Variants in CACNA2D3 observed in about 807,000 individuals in gnomAD.
CACNA2D3 encodes the protein voltage-dependent calcium channel subunit alpha-2/delta-3.
A neutral mutation model predicts 160.6 loss-of-function variants in CACNA2D3; 60 were observed. That is an observed-to-expected ratio of 0.37 (90% CI 0.30 to 0.46). The LOEUF (loss-of-function observed/expected upper bound fraction) is 0.46, where lower values mean the gene tolerates loss of function less well. Ranked by LOEUF, CACNA2D3 falls within the 20% of genes least tolerant of loss-of-function variation. The pLI is 1.00. For missense variants in CACNA2D3, 1,205 were observed against 1,365.0 expected (o/e 0.88, Z 1.85); for synonymous variants, 558 against 492.9 (o/e 1.13, Z -1.75).
chr3:54,285,429 G>T (rs557772710), intron 2 of CACNA2D3, among the ~76,000 whole-genome samples: 12 of 152,160 alleles, frequency 7.9e-5, no homozygotes, highest in African/African-American at 1.4e-4. Flanking sequence ...CAAAACAGCC[G>T]GGAAGCTCGA....
At chr3:54,969,886 A>AAAC in intron 29 of CACNA2D3, 42 bp downstream of exon 29, 1 of 1,571,048 alleles carries the variant, frequency 6.4e-7, no homozygotes, top group Non-Finnish European at 8.8e-7. Flanking sequence ...CTGTGGATAG[A>AAAC]AGGTGACAGA....
At chr3:54,287,718 C>G (rs1703069993) in intron 2 of CACNA2D3, among the ~76,000 whole-genome samples, 1 of 146,180 alleles carries the variant, frequency 6.8e-6, no homozygotes. Context: ...GAGATTATAA[C>G]AAACTATCTC....
intron 9 of CACNA2D3, among the ~76,000 whole-genome samples, chr3:54,620,745 C>T (rs761637560): frequency 7.2e-5 from 11 of 152,248 alleles, no homozygotes; most frequent in Admixed American, 6.5e-5. Flanking sequence ...GGGCCCTGGG[C>T]GCTGTGAAGG....
Position 54,533,153 on chromosome 3 carries a change from C to G in CACNA2D3, c.544+29499C>G, listed in dbSNP as rs138127844. ...TGTCTGTCTAAACCCTGTCTGCTTT[C>G]AAAGCCACCTAGCCTCATTCCTGAA... is the stretch of plus-strand genomic sequence containing the variant. On this transcript the variant is annotated intron_variant, in intron 5 of 37. Coordinates refer to ENST00000474759, the MANE Select transcript of CACNA2D3 (RefSeq NM_018398.3). 7.9e-3 allele frequency among the ~76,000 whole-genome samples: 1,203 copies of G among 152,246 alleles called. 11 individuals are homozygous for G. Among genetic ancestry groups the G allele is most frequent in the African/African-American group, 0.026 (1,089 of 41,538 alleles).
At chr3:54,365,959 G>A (rs576706405) in intron 3 of CACNA2D3, among the ~76,000 whole-genome samples, 1 of 152,306 alleles carries the variant, frequency 6.6e-6, no homozygotes, top group South Asian at 2.1e-4. Context: ...TGCATTCATT[G>A]TTGAACAGAC....
intron 5 of CACNA2D3, among the ~76,000 whole-genome samples, chr3:54,557,725 C>T (rs535263058): frequency 1.4e-4 from 22 of 152,248 alleles, no homozygotes; most frequent in African/African-American, 5.1e-4. Flanking sequence ...TCACAATAAT[C>T]GTTATCAAGC....
At position 54,431,880 on chromosome 3, in the gene CACNA2D3, T is replaced by C. The variant is rs149099699; in HGVS notation, c.381+45106T>C. On this transcript the variant is annotated intron_variant, in intron 4 of 37. Transcript: ENST00000474759. The stretch of plus-strand genomic sequence containing the variant: ...GCCTCAGCCTCCCAAAGTGCCGGGA[T>C]TACAGGCATGAGCCACCACACCTGG... Among the ~76,000 whole-genome samples, 853 of 152,360 alleles carry C rather than the reference T, an allele frequency of 5.6e-3. 5 individuals carry two copies. Among genetic ancestry groups the C allele is most frequent in the African/African-American group, 0.019 (791 of 41,588 alleles).
intron 2 of CACNA2D3, among the ~76,000 whole-genome samples, chr3:54,311,773 T>C (rs899557929): frequency 6.6e-6 from 1 of 152,196 alleles, no homozygotes; most frequent in African/African-American, 2.4e-5. Context: ...TCCCCCCATC[T>C]CCGTGCAGCT....
chr3:54,916,717 C>T (rs185072974), intron 27 of CACNA2D3, among the ~76,000 whole-genome samples: 10 of 152,238 alleles, frequency 6.6e-5, no homozygotes, highest in African/African-American at 2.2e-4. Flanking sequence ...TAGGTTCACC[C>T]GTTTCCCTGC....
At chr3:54,162,213 A>G (rs1487410429) in intron 2 of CACNA2D3, among the ~76,000 whole-genome samples, 2 of 152,198 alleles carry the variant, frequency 1.3e-5, no homozygotes, top group Non-Finnish European at 2.9e-5. Flanking sequence ...ACACACCGCA[A>G]AACTTCATTG....
At chr3:55,008,291 T>C (rs1440507042) in intron 33 of CACNA2D3, among the ~76,000 whole-genome samples, 1 of 152,182 alleles carries the variant, frequency 6.6e-6, no homozygotes, top group African/African-American at 2.4e-5. Context: ...TCATTGTTTA[T>C]TCTGTCAAAC....
intron 11 of CACNA2D3, among the ~76,000 whole-genome samples, chr3:54,643,705 T>G (rs1224971092): frequency 6.6e-6 from 1 of 152,084 alleles, no homozygotes; most frequent in Admixed American, 6.5e-5. Context: ...ATACATGATG[T>G]GAAAGGAGGA....
At chr3:54,482,737 A>G (rs1700954100) in intron 4 of CACNA2D3, among the ~76,000 whole-genome samples, 1 of 152,208 alleles carries the variant, frequency 6.6e-6, no homozygotes, top group Non-Finnish European at 1.5e-5. Context: ...CTCTCCAGGC[A>G]GTTCCTTTCC....
chr3:54,137,374 G>A (rs575833187), intron 2 of CACNA2D3, among the ~76,000 whole-genome samples: 1 of 152,170 alleles, frequency 6.6e-6, no homozygotes, highest in Non-Finnish European at 1.5e-5. Context: ...ACCTGTCACC[G>A]ATGGCTTTTC....
chr3:54,881,903 A>G (rs1213121517), intron 21 of CACNA2D3, among the ~76,000 whole-genome samples: 2 of 152,222 alleles, frequency 1.3e-5, no homozygotes, highest in African/African-American at 4.8e-5. Context: ...ACCCCTAGAT[A>G]GCCTCTGATT....
At chr3:54,866,978 A>C (rs1699415310) in intron 17 of CACNA2D3, among the ~76,000 whole-genome samples, 1 of 152,194 alleles carries the variant, frequency 6.6e-6, no homozygotes, top group South Asian at 2.1e-4. Flanking sequence ...TTTTTTCGTA[A>C]AACAGGCACC....
At chr3:55,020,849 CAA>C (rs759779848) in intron 35 of CACNA2D3, among the ~76,000 whole-genome samples, 1 of 134,330 alleles carries the variant, frequency 7.4e-6, no homozygotes, top group Non-Finnish European at 1.6e-5. Context: ...GATTCCGTCT[CAA>C]AAAAAAAAAA....
At chr3:54,957,903 G>A (rs1343441347) in intron 27 of CACNA2D3, among the ~76,000 whole-genome samples, 2 of 152,172 alleles carry the variant, frequency 1.3e-5, no homozygotes, top group African/African-American at 4.8e-5. Context: ...TCCCTCCCCT[G>A]CTGAGAACCT....
intron 4 of CACNA2D3, among the ~76,000 whole-genome samples, chr3:54,463,977 T>G (rs1410095619): frequency 3.3e-5 from 5 of 152,324 alleles, no homozygotes; most frequent in Non-Finnish European, 7.3e-5. Context: ...GTTTGTTAGT[T>G]TTCCTTCTAC....
Sources: gnomAD v4.1 joint callset for allele counts (sites outside exome capture counted in the v4.1 genomes callset) on GRCh38, gnomAD v4.1.1 for gene constraint, MANE v1.5 for transcripts, NCBI Gene and HGNC (gene_info 2026-07-23, HGNC 2026-07-21) for gene names.